Variants in FRMD4B observed in about 807,000 individuals in gnomAD.
The protein encoded by FRMD4B is FERM domain containing 4B.
A neutral mutation model predicts 141.5 loss-of-function variants in FRMD4B; 74 were observed. The ratio of observed to expected loss-of-function variants is 0.52; its 90% CI spans 0.43 to 0.63. The LOEUF is 0.63. FRMD4B is among the 30% of genes least tolerant of loss of function. The probability of loss-of-function intolerance (pLI) is 0.00; values close to 1 mark genes in which losing one functional copy is unlikely to be tolerated. For synonymous variants in FRMD4B, 506 were observed against 467.9 expected (o/e 1.08, Z -1.05); for missense variants, 1,366 against 1,253.4 (o/e 1.09, Z -1.36).
chr3:69,303,493 C>A (rs890909081), intron 3 of FRMD4B, among the ~76,000 whole-genome samples: 16 of 151,960 alleles, frequency 1.1e-4, no homozygotes, highest in Admixed American at 1.0e-3. Context: ...TTACAAATAT[C>A]TGAGAGAAAA....
At chr3:69,488,091 AAAAG>A (rs1706246775) in intron 1 of FRMD4B, among the ~76,000 whole-genome samples, 1 of 152,074 alleles carries the variant, frequency 6.6e-6, no homozygotes, top group African/African-American at 2.4e-5. Flanking sequence ...GAAAGAGAAA[AAAAG>A]AAAAAAGGAA....
intron 3 of FRMD4B, among the ~76,000 whole-genome samples, chr3:69,304,803 G>A (rs923091166): frequency 1.3e-5 from 2 of 152,162 alleles, no homozygotes; most frequent in Non-Finnish European, 2.9e-5. Flanking sequence ...AGAACATGCT[G>A]ATGGTGGTGG....
At chr3:69,529,933 G>C (rs755796140) in intron 1 of FRMD4B, among the ~76,000 whole-genome samples, 2 of 152,222 alleles carry the variant, frequency 1.3e-5, no homozygotes, top group Non-Finnish European at 2.9e-5. Context: ...ACCACTACTT[G>C]ACACTGACAC....
At chr3:69,518,486 G>T (rs1448426126) in intron 1 of FRMD4B, among the ~76,000 whole-genome samples, 1 of 152,144 alleles carries the variant, frequency 6.6e-6, no homozygotes. Flanking sequence ...CATAGTAAAT[G>T]TTAGAATAGA....
At position 69,481,304 on chromosome 3, in the gene FRMD4B, G is replaced by A. The variant is rs557649188; in HGVS notation, c.-128-48543C>T. ...GCAGAAATCACCTGTCTTCTGTGTC[G>A]CTCACGCTGGGAGCTGTAGACCGGA... is the stretch of plus-strand genomic sequence containing the variant. On this transcript the variant is annotated intron_variant, in intron 1 of 5. Transcript: ENST00000459638. 1.4e-4 allele frequency among the ~76,000 whole-genome samples: 21 copies of A among 152,242 alleles called. No individual in the cohort carries two copies. The South Asian group carries it at 2.7e-3, about 20-fold the overall frequency.
In FRMD4B at chr3:69,361,111, A is replaced by G. The variant is rs572105668; in HGVS notation, c.162+24717T>C. Among the ~76,000 whole-genome samples the G allele has an allele frequency of 3.3e-5, 5 of 152,328 alleles. No homozygotes were observed. The East Asian group carries it at 5.8e-4, about 18-fold the overall frequency. On this transcript the variant is annotated intron_variant, in intron 1 of 22. Coordinates refer to ENST00000398540, the MANE Select transcript of FRMD4B (RefSeq NM_015123.3). ...AAGTGCATTTTGTCATTATGAACAT[A>G]TGCATTTAAATATAATTTATGTGTT... is the stretch of plus-strand genomic sequence containing the variant.
At chr3:69,317,223 C>A (rs1701830317) in intron 1 of FRMD4B, among the ~76,000 whole-genome samples, 1 of 152,206 alleles carries the variant, frequency 6.6e-6, no homozygotes, top group South Asian at 2.1e-4. Flanking sequence ...CATTTCATGA[C>A]AAACTTAGGC....
intron 2 of FRMD4B, among the ~76,000 whole-genome samples, chr3:69,401,970 T>C (rs1418338381): frequency 6.6e-6 from 1 of 152,246 alleles, no homozygotes; most frequent in Non-Finnish European, 1.5e-5. Flanking sequence ...TTTTTCATAA[T>C]AAATGATTAA....
chr3:69,369,362 A>G (rs1182849302), intron 1 of FRMD4B, among the ~76,000 whole-genome samples: 1 of 152,188 alleles, frequency 6.6e-6, no homozygotes, highest in Non-Finnish European at 1.5e-5. Context: ...GCCAGGAGAA[A>G]AGAAAAAAGG....
At chr3:69,263,817 C>CTTT (rs3032130) in intron 5 of FRMD4B, among the ~76,000 whole-genome samples, 1,754 of 68,606 alleles carry the variant, frequency 0.026, 80 homozygotes, top group Non-Finnish European at 0.029. Flanking sequence ...AACCCCATTC[C>CTTT]TTTTTTTTTT....
At chr3:69,366,728 GTATTCA>G (rs1703670196) in intron 1 of FRMD4B, among the ~76,000 whole-genome samples, 1 of 151,590 alleles carries the variant, frequency 6.6e-6, no homozygotes, top group Admixed American at 6.6e-5. Context: ...TTTTTCAATA[GTATTCA>G]TATCAATAAT....
intron 7 of FRMD4B, among the ~76,000 whole-genome samples, chr3:69,231,846 C>A (rs1463566421): frequency 6.6e-6 from 1 of 152,166 alleles, no homozygotes; most frequent in African/African-American, 2.4e-5. Flanking sequence ...TAAGCTCGAT[C>A]GTTTCCATAG....
At chr3:69,326,593 T>A (rs1437337190) in intron 1 of FRMD4B, among the ~76,000 whole-genome samples, 1 of 152,200 alleles carries the variant, frequency 6.6e-6, no homozygotes, top group Non-Finnish European at 1.5e-5. Flanking sequence ...CAAACCTACC[T>A]GTGAAGCAGA....
Position 69,218,313 on chromosome 3 carries a change from AT to A in FRMD4B, c.789+8del. 1 of 1,421,008 alleles carries A rather than the reference AT, an allele frequency of 7.0e-7. No individual in the cohort carries two copies. The highest frequency in any genetic ancestry group is 1.4e-5 in the African/African-American group (1 of 71,200). 88.0% of individuals were successfully genotyped at this position (1,421,008 alleles called of 1,614,324 possible). ...CATCACGAAAGCTTTGTCATGTAAAATTACTTACCTTTACTGCATAATAATG... is the reference window on the plus strand; with the variant it reads ...CATCACGAAAGCTTTGTCATGTAAAATACTTACCTTTACTGCATAATAATG... On this transcript the variant is annotated splice_region_variant and intron_variant, in intron 10 of 22. Coordinates refer to ENST00000398540, the MANE Select transcript of FRMD4B (RefSeq NM_015123.3).
At chr3:69,384,856 T>C (rs188891793) in intron 1 of FRMD4B, among the ~76,000 whole-genome samples, 3 of 152,048 alleles carry the variant, frequency 2.0e-5, no homozygotes, top group Admixed American at 6.5e-5. Context: ...CACAATATAA[T>C]AAGACATAAA....
At chr3:69,522,629 T>C (rs1377838159) in intron 1 of FRMD4B, among the ~76,000 whole-genome samples, 2 of 152,140 alleles carry the variant, frequency 1.3e-5, no homozygotes, top group Non-Finnish European at 2.9e-5. Flanking sequence ...CTGGGGTCCG[T>C]CTTGCCAGTC....
intron 19 of FRMD4B, among the ~76,000 whole-genome samples, chr3:69,186,919 A>G (rs780285630): frequency 1.7e-4 from 26 of 152,208 alleles, no homozygotes; most frequent in Admixed American, 6.5e-4. Context: ...CCATACAGCC[A>G]AGTTCTGGGA....
chr3:69,311,772 T>A (rs188922451), intron 2 of FRMD4B, among the ~76,000 whole-genome samples: 69 of 152,208 alleles, frequency 4.5e-4, no homozygotes, highest in Non-Finnish European at 1.5e-5. Context: ...TGGTGGCCAG[T>A]TGAAGAAACC....
At chr3:69,483,642 AG>A (rs1706166561) in intron 1 of FRMD4B, among the ~76,000 whole-genome samples, 1 of 152,222 alleles carries the variant, frequency 6.6e-6, no homozygotes, top group Admixed American at 6.5e-5. Flanking sequence ...AAACTTCATG[AG>A]GAGAAGACAC....
Sources: gnomAD v4.1 joint callset for allele counts (sites outside exome capture counted in the v4.1 genomes callset) on GRCh38, gnomAD v4.1.1 for gene constraint, MANE v1.5 for transcripts, NCBI Gene and HGNC (gene_info 2026-07-23, HGNC 2026-07-21) for gene names.